The following ALOX5 variants were observed in gnomAD, a reference collection of about 807,000 sequenced individuals.
The protein encoded by ALOX5 is arachidonate 5-lipoxygenase.
A neutral mutation model predicts 87.9 loss-of-function variants in ALOX5; 64 were observed. The ratio of observed to expected loss-of-function variants is 0.73; its 90% CI spans 0.60 to 0.90. The LOEUF (loss-of-function observed/expected upper bound fraction) is 0.90. ALOX5 is among the 40% of genes least tolerant of loss of function. ALOX5 has a pLI of 0.00. For missense variants in ALOX5, 822 were observed against 907.5 expected (o/e 0.91, Z 1.21); for synonymous variants, 388 against 355.1 (o/e 1.09, Z -1.04).
intron 4 of ALOX5, among the ~76,000 whole-genome samples, chr10:45,420,655 C>T (rs1841468838): frequency 6.6e-6 from 1 of 152,246 alleles, no homozygotes; most frequent in African/African-American, 2.4e-5. Flanking sequence ...GGTTTCCTCG[C>T]CGCTGCTTCT....
chr10:45,419,191 C>T (rs1227893340), intron 4 of ALOX5, among the ~76,000 whole-genome samples: 1 of 152,250 alleles, frequency 6.6e-6, no homozygotes, highest in African/African-American at 2.4e-5. Context: ...CGGAGGCTGC[C>T]CTGGCCGCCT....
intron 1 of ALOX5, among the ~76,000 whole-genome samples, chr10:45,379,507 G>A (rs1268537327): frequency 1.3e-5 from 2 of 152,184 alleles, no homozygotes; most frequent in Non-Finnish European, 2.9e-5. Context: ...GAAGGAGTTT[G>A]AGGTCACAGG....
Position 45,374,245 on chromosome 10 carries a change from GGCTCCCGGCGCTCGCT to G in ALOX5, c.-27_-12del. On this transcript the variant is annotated 5_prime_UTR_variant, in exon 1 of 14. Coordinates refer to ENST00000374391, the MANE Select transcript of ALOX5 (RefSeq NM_000698.5). ...GCGGACACCTGGACCGCCGCGCCGA[GGCTCCCGGCGCTCGCT>G]GCTCCCGCGGCCCGCGCCATGCCCT... is the stretch of plus-strand genomic sequence containing the variant. 1 of 1,449,946 alleles carries G rather than the reference GGCTCCCGGCGCTCGCT, an allele frequency of 6.9e-7. No individual in the cohort carries two copies. Among genetic ancestry groups the G allele is most frequent in the Non-Finnish European group, 9.1e-7 (1 of 1,100,816 alleles). The allele number at this position is 1,449,946 out of a possible 1,614,324, so 89.8% of individuals were successfully genotyped here.
chr10:45,441,262 T>G (rs920416373), intron 8 of ALOX5, 82 bp from the exon 9 acceptor site: 3 of 1,254,586 alleles, frequency 2.4e-6, no homozygotes, highest in East Asian at 2.3e-5. Context: ...AGGGCAGGCC[T>G]GGGTGGGGGA....
chr10:45,422,506 G>C (rs1173872303), intron 4 of ALOX5, among the ~76,000 whole-genome samples: 1 of 152,224 alleles, frequency 6.6e-6, no homozygotes, highest in East Asian at 1.9e-4. Context: ...CCCTGCACCA[G>C]GTGAGGTCAC....
chr10:45,375,585 T>G (rs962138369), intron 1 of ALOX5, among the ~76,000 whole-genome samples: 8 of 152,244 alleles, frequency 5.3e-5, no homozygotes, highest in Admixed American at 3.3e-4. Flanking sequence ...AACCGGCAAG[T>G]TCATGTTTCA....
intron 5 of ALOX5, 32 bp from the exon 6 acceptor site, chr10:45,424,928 G>T: frequency 6.2e-7 from 1 of 1,612,638 alleles, no homozygotes; most frequent in Non-Finnish European, 8.5e-7. Flanking sequence ...TCTACTCAGA[G>T]CTCAGGGTGG....
intron 10 of ALOX5, 58 bp from the exon 11 acceptor site, chr10:45,443,358 G>C (rs1448185557): frequency 6.3e-7 from 1 of 1,593,496 alleles, no homozygotes; most frequent in Non-Finnish European, 8.6e-7. Context: ...GGTTGCCGCC[G>C]GGCACCGCTC....
At chr10:45,441,689 C>T (rs1278872377) in intron 9 of ALOX5, 11 of 482,172 alleles carry the variant, frequency 2.3e-5, no homozygotes, top group African/African-American at 2.0e-4. Flanking sequence ...CTCTCCCAGC[C>T]TCTGGGACCT....
At chr10:45,379,046 G>T (rs780969943) in intron 1 of ALOX5, among the ~76,000 whole-genome samples, 1 of 152,106 alleles carries the variant, frequency 6.6e-6, no homozygotes, top group East Asian at 1.9e-4. Flanking sequence ...GTGCTGGAGG[G>T]TCACCCCACT....
chr10:45,377,553 C>T (rs1839665126), intron 1 of ALOX5, among the ~76,000 whole-genome samples: 1 of 152,086 alleles, frequency 6.6e-6, no homozygotes, highest in South Asian at 2.1e-4. Context: ...GTCTCCCTAT[C>T]CACTACCCCA....
chr10:45,433,169 G>A (rs1023682546), intron 7 of ALOX5, among the ~76,000 whole-genome samples: 1 of 152,242 alleles, frequency 6.6e-6, no homozygotes, highest in East Asian at 1.9e-4. Context: ...CAGCAAGGAC[G>A]GAGCCCCATG....
At chr10:45,380,536 C>A (rs1311392190) in intron 1 of ALOX5, among the ~76,000 whole-genome samples, 1 of 152,188 alleles carries the variant, frequency 6.6e-6, no homozygotes, top group Non-Finnish European at 1.5e-5. Context: ...GGGATGCCTG[C>A]GCTCGCACAA....
chr10:45,383,149 C>A (rs574280151), intron 2 of ALOX5, among the ~76,000 whole-genome samples: 1 of 152,354 alleles, frequency 6.6e-6, no homozygotes, highest in East Asian at 1.9e-4. Flanking sequence ...CAAGGAGCAC[C>A]CCAAGTGCCA....
At chr10:45,443,367 T>C (rs753388561) in intron 10 of ALOX5, 49 bp from the exon 11 acceptor site, 2 of 1,595,506 alleles carry the variant, frequency 1.3e-6, no homozygotes, top group Non-Finnish European at 1.7e-6. Flanking sequence ...CGGGCACCGC[T>C]CCGCAGACCT....
intron 6 of ALOX5, among the ~76,000 whole-genome samples, chr10:45,428,137 C>T (rs71494782): frequency 1.3e-5 from 2 of 148,622 alleles, no homozygotes; most frequent in East Asian, 2.0e-4. Context: ...TCCCCCGCAG[C>T]CCCCCTACCC....
intron 3 of ALOX5, 69 bp from the exon 4 acceptor site, chr10:45,412,122 G>C: frequency 6.3e-7 from 1 of 1,594,672 alleles, no homozygotes; most frequent in Non-Finnish European, 8.6e-7. Context: ...CAGTGTGGGC[G>C]GCCCTCAGCT....
At chr10:45,383,710 A>G (rs1440042060) in intron 2 of ALOX5, among the ~76,000 whole-genome samples, 1 of 152,216 alleles carries the variant, frequency 6.6e-6, no homozygotes, top group Non-Finnish European at 1.5e-5. Context: ...TTCTTAAGCT[A>G]CCAGGCCACA....
At position 45,382,531 on chromosome 10, in the gene ALOX5, C is replaced by G; in HGVS notation, c.199C>G (p.Leu67Val). The G allele has an allele frequency of 6.2e-7, 1 of 1,614,178 alleles. No homozygotes were observed. Among genetic ancestry groups the G allele is most frequent in the East Asian group, 2.2e-5 (1 of 44,882 alleles). Residue 67 changes from leucine (L) to valine (V), a missense_variant, in exon 2 of 14, where the codon CTG (leucine) becomes GTG (valine). Transcript: ENST00000374391. ...GGACGAGGAACTGGGCGAGATCCAG[C>G]TGGTCAGAATCGAGAAGCGCAAGTA... ...TVDEELGEIQ[L>V]VRIEKRKYWL...
Sources: gnomAD v4.1 joint callset for allele counts (sites outside exome capture counted in the v4.1 genomes callset) on GRCh38, gnomAD v4.1.1 for gene constraint, MANE v1.5 for transcripts, NCBI Gene and HGNC (gene_info 2026-07-23, HGNC 2026-07-21) for gene names.